Variants in PCDHGB2 observed in about 807,000 individuals in gnomAD.
PCDHGB2 encodes the protein protocadherin gamma-B2.
A neutral mutation model predicts 59.3 loss-of-function variants in PCDHGB2; 55 were observed. The ratio of observed to expected loss-of-function variants is 0.93; its 90% confidence interval spans 0.75 to 1.16. PCDHGB2 has a LOEUF of 1.16. PCDHGB2 is among the 50% of genes most tolerant of loss of function. The pLI is 0.00. For missense variants in PCDHGB2, 1,228 were observed against 1,198.5 expected (o/e 1.02, Z -0.36); for synonymous variants, 516 against 512.0 (o/e 1.01, Z -0.11).
chr5:141,485,344 C>G lies in PCDHGB2; in HGVS notation c.2422-9463C>G. On this transcript the variant is annotated intron_variant, in intron 1 of 3. Coordinates refer to ENST00000522605, the MANE Select transcript of PCDHGB2 (RefSeq NM_018923.3). This position sits in a 1 kb window ranked among gnomAD's most constrained non-coding sequence, Gnocchi z 5.7. ...CTCAAGATTTCCTGCTGGATACGGA[C>G]AGTCTGTCAGCTCGCAGGCTGCAGG... 6.2e-7 allele frequency: 1 copy of G among 1,614,116 alleles called. No individual in the cohort carries two copies. The highest frequency in any genetic ancestry group is 8.5e-7 in the Non-Finnish European group (1 of 1,180,004).
intron 1 of PCDHGB2, chr5:141,415,642 A>T (rs1418546981): frequency 6.0e-6 from 5 of 831,836 alleles, no homozygotes; most frequent in Middle Eastern, 2.6e-4. Flanking sequence ...TACTTTTGTT[A>T]AAAAAAAAAA....
chr5:141,505,405 C>T lies in PCDHGB2; in HGVS notation c.2493C>T (p.Gly831=), dbSNP rs745516568. 2.5e-6 allele frequency: 4 copies of T among 1,614,130 alleles called. No individual in the cohort carries two copies. The highest frequency in any genetic ancestry group is 3.3e-4 in the Middle Eastern group (2 of 6,062). ...QRPGTSGSQN[G]DDTGTWPNNQ... ...ACTCTCTCCCCAGCTCCCAAAATGG[C>T]GATGACACCGGCACCTGGCCCAACA... Residue 831 remains glycine (G), a synonymous_variant, in exon 3 of 4, where the codon GGC becomes GGT. Transcript: ENST00000522605.
intron 1 of PCDHGB2, among the ~76,000 whole-genome samples, chr5:141,482,530 C>CAAAAAAAAAAAAAA (rs3074545): frequency 1.2e-4 from 9 of 76,558 alleles, no homozygotes; most frequent in African/African-American, 3.8e-4. Flanking sequence ...GACAGACATG[C>CAAAAAAAAAAAAAA]AAAAAAAAAA....
Position 141,361,036 on chromosome 5 carries a change from A to G in PCDHGB2, c.901A>G (p.Ile301Val), listed in dbSNP as rs778660154. 2.5e-6 allele frequency: 4 copies of G among 1,613,510 alleles called. No individual in the cohort carries two copies. The highest frequency in any genetic ancestry group is 3.4e-6 in the Non-Finnish European group (4 of 1,179,602). The change falls in exon 1 of 4, where the codon ATC becomes GTC. Residue 301 changes from isoleucine (I) to valine (V), a missense_variant. Physicochemically the swap from Ile to Val is conservative, Grantham distance 29. Transcript: ENST00000522605. ...CAACTTAAATGAAAAAACAGGAGAA[A>G]TCACGACAAAGGATGATTTGGATTT... ...FFNLNEKTGEITTKDDLDFEI... is the reference protein window; with the variant it reads ...FFNLNEKTGEVTTKDDLDFEI...
chr5:141,374,030 T>G, intron 1 of PCDHGB2: 1 of 1,430,454 alleles, frequency 7.0e-7, no homozygotes. Context: ...GCAAAAGTGA[T>G]GCAGATCTGT....
chr5:141,373,239 T>C (rs1466756322), intron 1 of PCDHGB2, among the ~76,000 whole-genome samples: 1 of 152,238 alleles, frequency 6.6e-6, no homozygotes, highest in Non-Finnish European at 1.5e-5. Flanking sequence ...ATATTTTTAC[T>C]TCCCTTTGCA....
At chr5:141,380,313 G>A (rs535275197) in intron 1 of PCDHGB2, among the ~76,000 whole-genome samples, 53 of 152,244 alleles carry the variant, frequency 3.5e-4, no homozygotes, top group Non-Finnish European at 5.4e-4. Flanking sequence ...GCTTGAGAAT[G>A]AAAATCTAAA....
intron 2 of PCDHGB2, among the ~76,000 whole-genome samples, chr5:141,501,728 C>A (rs1284130771): frequency 1.3e-5 from 2 of 152,134 alleles, no homozygotes; most frequent in East Asian, 1.9e-4. Flanking sequence ...ATATATTACC[C>A]AGTCAGCTTA....
At position 141,409,359 on chromosome 5, in the gene PCDHGB2, T is replaced by C. The variant is rs371907890; in HGVS notation, c.2421+46803T>C. ...GGAAATGGAGAAGTCAGGTGTAATA[T>C]AGAAACAGACATTCCATTCAAGATT... On this transcript the variant is annotated intron_variant, in intron 1 of 3. Coordinates refer to ENST00000522605, the MANE Select transcript of PCDHGB2 (RefSeq NM_018923.3). 6.8e-6 allele frequency: 11 copies of C among 1,614,026 alleles called. No individual in the cohort carries two copies. The highest frequency in any genetic ancestry group is 8.5e-6 in the Non-Finnish European group (10 of 1,179,908).
intron 1 of PCDHGB2, chr5:141,427,048 C>T (rs1257232583): frequency 4.4e-6 from 2 of 457,350 alleles, no homozygotes; most frequent in South Asian, 1.5e-5. Context: ...AATGTGCCCC[C>T]AGGCACCTCT....
intron 1 of PCDHGB2, chr5:141,478,834 A>G: frequency 7.0e-7 from 1 of 1,427,896 alleles, no homozygotes; most frequent in Non-Finnish European, 9.2e-7. Context: ...TTGCTAAGGG[A>G]TGGTTAAGCT....
chr5:141,365,679 C>T lies in PCDHGB2; in HGVS notation c.2421+3123C>T, dbSNP rs1056119767. The T allele has an allele frequency of 1.2e-5, 19 of 1,613,416 alleles. No individual in the cohort carries two copies. The highest frequency in any genetic ancestry group is 1.4e-5 in the Non-Finnish European group (17 of 1,179,808). On this transcript the variant is annotated intron_variant, in intron 1 of 3. Transcript: ENST00000522605. ...GTAGCAGACGTTAATGACAACCCAC[C>T]CAATTTCCCTCAAGCCTCCTACTCC...
chr5:141,512,866 AC>A lies in PCDHGB2; in HGVS notation c.*1694del. Reference sequence around the variant, plus strand: ...TATAAGCGCTTCTCTTCGCATAGTCACGTAGCTCCCACCCCACCCTCTTCCT... The same window carrying A: ...TATAAGCGCTTCTCTTCGCATAGTCAGTAGCTCCCACCCCACCCTCTTCCT... On this transcript the variant is annotated 3_prime_UTR_variant, in exon 4 of 4. Transcript: ENST00000522605. 1 of 152,098 alleles carries A rather than the reference AC, an allele frequency of 6.6e-6. No homozygotes were observed. Among genetic ancestry groups the A allele is most frequent in the Non-Finnish European group, 1.5e-5 (1 of 68,034 alleles). 9.4% of individuals were successfully genotyped at this position (152,098 alleles called of 1,614,324 possible).
At chr5:141,484,352 T>A (rs112226980) in intron 1 of PCDHGB2, among the ~76,000 whole-genome samples, 8,127 of 152,270 alleles carry the variant, frequency 0.053, 445 homozygotes, top group African/African-American at 0.15. Context: ...TAATTTAGTG[T>A]ATCTAGTGTA....
intron 1 of PCDHGB2, chr5:141,378,592 C>T (rs1309988973): frequency 6.6e-6 from 1 of 152,104 alleles, no homozygotes; most frequent in Non-Finnish European, 1.5e-5. Flanking sequence ...GTAGTGTCTG[C>T]TTACAGGACA....
In PCDHGB2 at chr5:141,362,588, G is replaced by T. The variant is rs79703171; in HGVS notation, c.2421+32G>T. The T allele has an allele frequency of 1.7e-3, 2,783 of 1,592,322 alleles. 42 individuals carry two copies. In the African/African-American group the frequency reaches 0.031, roughly 18 times the overall value. On this transcript the variant is annotated intron_variant, in intron 1 of 3. Coordinates refer to ENST00000522605, the MANE Select transcript of PCDHGB2 (RefSeq NM_018923.3). ...TTTAATTAATTTATTTTCACTTCTG[G>T]TTTTATTGTTTCACCTAATTTGGGT...
chr5:141,371,145 G>T lies in PCDHGB2; in HGVS notation c.2421+8589G>T, dbSNP rs144065486. The T allele has an allele frequency of 2.5e-6, 4 of 1,613,912 alleles. No homozygotes were observed. In the African/African-American group the frequency reaches 5.3e-5, roughly 22 times the overall value. On this transcript the variant is annotated intron_variant, in intron 1 of 3. Coordinates refer to ENST00000522605, the MANE Select transcript of PCDHGB2 (RefSeq NM_018923.3). ...TACTCAGGACATGTACAGGGTCAAT[G>T]TTGCAGAGAACCTGCCCGCTGGCTC...
chr5:141,409,452 A>T, intron 1 of PCDHGB2: 1 of 1,613,990 alleles, frequency 6.2e-7, no homozygotes, highest in Non-Finnish European at 8.5e-7. Context: ...CAGACACCAG[A>T]ATACAATGTC....
Position 141,511,165 on chromosome 5 carries a change from A to G in PCDHGB2, c.2788A>G (p.Lys930Glu). 1 of 1,614,096 alleles carries G rather than the reference A, an allele frequency of 6.2e-7. No homozygotes were observed. Among genetic ancestry groups the G allele is most frequent in the East Asian group, 2.2e-5 (1 of 44,870 alleles). ...CAAGAAGAAGTCGGGCAAGAAGGAGAAGAAGTAACATGGAGGCCAGGCCAA... is the reference window on the plus strand; with the variant it reads ...CAAGAAGAAGTCGGGCAAGAAGGAGGAGAAGTAACATGGAGGCCAGGCCAA... ...GNKKKSGKKE[K>E]K Residue 930 changes from lysine (K) to glutamate (E), a missense_variant, in exon 4 of 4, where the codon AAG (lysine) becomes GAG (glutamate). Physicochemically the swap from Lys to Glu is moderately conservative, Grantham distance 56. Transcript: ENST00000522605.
Sources: allele counts gnomAD v4.1 joint callset (sites outside exome capture counted in the v4.1 genomes callset), GRCh38; gene constraint gnomAD v4.1.1; non-coding constraint Gnocchi (gnomAD v3.1); transcripts MANE v1.5; gene names NCBI Gene and HGNC (gene_info 2026-07-23, HGNC 2026-07-21).